DIPK1A: variants seen among roughly 807,000 people sequenced by gnomAD.
The protein encoded by DIPK1A is family with sequence similarity 69 member A.
A neutral mutation model predicts 40.8 loss-of-function variants in DIPK1A; 27 were observed. The observed-to-expected ratio is 0.66, with a 90% CI of 0.49 to 0.91. The LOEUF (loss-of-function observed/expected upper bound fraction) is 0.91, where lower values mean the gene tolerates loss of function less well. Among genes scored for constraint, DIPK1A ranks in the 40% least tolerant of loss-of-function variants. The probability of loss-of-function intolerance (pLI) is 0.00; values close to 1 mark genes in which losing one functional copy is unlikely to be tolerated. For synonymous variants in DIPK1A, 166 were observed against 171.3 expected, an observed-to-expected ratio of 0.97 and a Z score of 0.24; for missense variants, 412 against 505.7, an observed-to-expected ratio of 0.81 and a Z score of 1.78.
chr1:92,845,541 G>GAA (rs545634818), intron 4 of DIPK1A: 4,482 of 226,210 alleles, frequency 0.02, 4 homozygotes, highest in South Asian at 0.028. Flanking sequence ...CGTCTCTGCT[G>GAA]AAAAAAAAAA....
At chr1:92,922,318 A>T (rs1241569681) in intron 1 of DIPK1A, among the ~76,000 whole-genome samples, 1 of 142,678 alleles carries the variant, frequency 7.0e-6, no homozygotes, top group Non-Finnish European at 1.5e-5. Flanking sequence ...GTTTTTTTGG[A>T]GAAATTTTTC....
intron 1 of DIPK1A, among the ~76,000 whole-genome samples, chr1:92,914,347 C>T (rs925332577): frequency 1.3e-5 from 2 of 152,038 alleles, no homozygotes; most frequent in African/African-American, 4.8e-5. Context: ...TTATTAATCA[C>T]ATGTGAAGTT....
At chr1:92,881,886 ATGTAT>A (rs762095544) in intron 1 of DIPK1A, among the ~76,000 whole-genome samples, 50 of 152,182 alleles carry the variant, frequency 3.3e-4, no homozygotes, top group Non-Finnish European at 6.3e-4. Context: ...TATAACAAAT[ATGTAT>A]TACTTTTTTA....
rs1650912066 is a variant in DIPK1A, at chr1:92,935,511, G to A, written c.54+25865C>T. ...AAATTACGGCTCAATATATTTAAAA[G>A]CAGAGAGGGGTACTGGAATCAAGGT... is the stretch of plus-strand genomic sequence containing the variant. On this transcript the variant is annotated intron_variant, in intron 1 of 4. Transcript: ENST00000370310. Among the ~76,000 whole-genome samples the A allele has an allele frequency of 3.9e-5, 6 of 152,044 alleles. No individual in the cohort carries two copies. The South Asian group carries it at 1.2e-3, about 32-fold the overall frequency.
chr1:92,836,333 C>T lies in DIPK1A; in HGVS notation c.475-3299G>A, dbSNP rs913836289. ...CAGGCCTTGCCAGAACTACCACTGG[C>T]AATAAAGTTTTTGGTGCCCTGAAGG... On this transcript the variant is annotated intron_variant, in intron 4 of 4. Transcript: ENST00000615519. The T allele has an allele frequency of 1.1e-5, 18 of 1,614,010 alleles. No individual in the cohort carries two copies. The highest frequency in any genetic ancestry group is 1.5e-5 in the Non-Finnish European group (18 of 1,180,032).
At chr1:92,872,322 T>C (rs923822606) in intron 2 of DIPK1A, among the ~76,000 whole-genome samples, 11 of 152,084 alleles carry the variant, frequency 7.2e-5, no homozygotes, top group Non-Finnish European at 1.2e-4. Context: ...AGTCAAGTGA[T>C]CTGCCCACCT....
intron 2 of DIPK1A, among the ~76,000 whole-genome samples, chr1:92,859,030 C>T (rs994852969): frequency 2.0e-5 from 3 of 152,190 alleles, no homozygotes; most frequent in Non-Finnish European, 4.4e-5. Flanking sequence ...CATACCTCAT[C>T]AAACCAGGAG....
intron 1 of DIPK1A, among the ~76,000 whole-genome samples, chr1:92,891,731 G>A (rs1380575214): frequency 6.6e-6 from 1 of 152,194 alleles, no homozygotes; most frequent in Non-Finnish European, 1.5e-5. Flanking sequence ...CCGGGAAGAG[G>A]AAGGGGTCAG....
chr1:92,849,647 G>A lies in DIPK1A; in HGVS notation c.297+1201C>T, dbSNP rs560506251. ...TGTGCCTCAGCCTCTGGAGTTGCTG[G>A]GATTACAGGCATGTGCCACCACACC... On this transcript the variant is annotated intron_variant, in intron 3 of 4. Coordinates refer to ENST00000370310, the MANE Select transcript of DIPK1A (RefSeq NM_001006605.5). Among the ~76,000 whole-genome samples the A allele has an allele frequency of 3.9e-5, 6 of 152,220 alleles. No individual in the cohort carries two copies. In the South Asian group the frequency reaches 8.3e-4, roughly 21 times the overall value.
At chr1:92,897,702 C>T (rs963597929) in intron 1 of DIPK1A, among the ~76,000 whole-genome samples, 2 of 151,408 alleles carry the variant, frequency 1.3e-5, no homozygotes, top group South Asian at 4.2e-4. Context: ...CCATTGGTCA[C>T]TCAGGAGCAT....
intron 2 of DIPK1A, among the ~76,000 whole-genome samples, chr1:92,870,432 G>T (rs551064375): frequency 1.3e-5 from 2 of 152,082 alleles, no homozygotes; most frequent in Non-Finnish European, 2.9e-5. Context: ...CACCATGTTG[G>T]CCAGGCTGGT....
intron 2 of DIPK1A, among the ~76,000 whole-genome samples, chr1:92,872,207 G>GT (rs1348606273): frequency 1.3e-5 from 2 of 148,390 alleles, no homozygotes; most frequent in African/African-American, 2.5e-5. Flanking sequence ...AGCCTTCTGA[G>GT]TAGCTGGAAT....
intron 1 of DIPK1A, among the ~76,000 whole-genome samples, chr1:92,912,065 T>G (rs1387929249): frequency 7.2e-6 from 1 of 138,042 alleles, no homozygotes; most frequent in Non-Finnish European, 1.6e-5. Context: ...ACTGCCAAAC[T>G]ATTTTGCAGA....
chr1:92,958,815 T>C lies in DIPK1A; in HGVS notation c.54+2561A>G, dbSNP rs779317930. 4.1e-4 allele frequency among the ~76,000 whole-genome samples: 63 copies of C among 152,294 alleles called. No individual in the cohort carries two copies. In the Middle Eastern group the frequency reaches 0.017, roughly 41 times the overall value. ...AAACTCACTCCATGGCAAATCAAAT[T>C]TAGTTAGTAATCTCAGGTTGATGCA... On this transcript the variant is annotated intron_variant, in intron 1 of 4. Transcript: ENST00000370310.
intron 1 of DIPK1A, among the ~76,000 whole-genome samples, chr1:92,884,716 T>C (rs1045117491): frequency 1.3e-5 from 2 of 152,136 alleles, no homozygotes; most frequent in Admixed American, 6.5e-5. Context: ...AATGATTCAA[T>C]TACTAAAAAT....
At chr1:92,875,484 A>G (rs1175152663) in intron 2 of DIPK1A, among the ~76,000 whole-genome samples, 2 of 152,134 alleles carry the variant, frequency 1.3e-5, no homozygotes, top group Non-Finnish European at 2.9e-5. Flanking sequence ...TGGGAAGTCA[A>G]GGAGGGCGGA....
chr1:92,914,323 T>A (rs1464419991), intron 1 of DIPK1A, among the ~76,000 whole-genome samples: 1 of 152,100 alleles, frequency 6.6e-6, no homozygotes, highest in East Asian at 1.9e-4. Context: ...GTCTTTGTAT[T>A]ATCAACATTT....
chr1:92,846,436 C>T, intron 4 of DIPK1A: 1 of 236,536 alleles, frequency 4.2e-6, no homozygotes, highest in South Asian at 4.2e-5. Flanking sequence ...TTCTCCTCTC[C>T]TCTGTACCCT....
intron 1 of DIPK1A, among the ~76,000 whole-genome samples, chr1:92,940,499 G>A (rs1235190781): frequency 1.3e-5 from 2 of 152,086 alleles, no homozygotes; most frequent in Non-Finnish European, 2.9e-5. Context: ...ACAGACAAAT[G>A]CCAAGTTCCT....
Sources: allele counts gnomAD v4.1 joint callset (sites outside exome capture counted in the v4.1 genomes callset), GRCh38; gene constraint gnomAD v4.1.1; transcripts MANE v1.5; gene names NCBI Gene and HGNC (gene_info 2026-07-23, HGNC 2026-07-21).